The following DCC variants were observed in gnomAD, a reference collection of about 807,000 sequenced individuals.
The protein encoded by DCC is DCC netrin 1 receptor.
A neutral mutation model predicts 172.5 loss-of-function variants in DCC; 58 were observed. The ratio of observed to expected loss-of-function variants is 0.34; its 90% CI spans 0.27 to 0.42. The LOEUF (loss-of-function observed/expected upper bound fraction) is 0.42, where lower values mean the gene tolerates loss of function less well. Among genes scored for constraint, DCC ranks in the 10% least tolerant of loss-of-function variants. DCC has a pLI of 1.00. For missense variants in DCC, 1,740 were observed against 1,791.0 expected (o/e 0.97, Z 0.51); for synonymous variants, 709 against 644.5 (o/e 1.10, Z -1.52).
chr18:52,386,303 A>G (rs983066723), intron 1 of DCC, among the ~76,000 whole-genome samples: 28 of 152,078 alleles, frequency 1.8e-4, no homozygotes, highest in Non-Finnish European at 5.9e-5. Flanking sequence ...GACCTGTATT[A>G]AATTCCAGTT....
intron 7 of DCC, among the ~76,000 whole-genome samples, chr18:53,132,716 C>T (rs2043677147): frequency 6.6e-6 from 1 of 152,064 alleles, no homozygotes; most frequent in African/African-American, 2.4e-5. Context: ...TGTGGAGTAG[C>T]TGTTTATTAG....
chr18:53,083,672 T>G (rs4078162), intron 7 of DCC, among the ~76,000 whole-genome samples: 79,549 of 151,968 alleles, frequency 0.52, 21,413 homozygotes, highest in African/African-American at 0.59. Context: ...ATGGCATACT[T>G]CTCTTTAGAG....
intron 5 of DCC, among the ~76,000 whole-genome samples, chr18:52,950,508 C>G (rs1194236989): frequency 6.6e-6 from 1 of 152,188 alleles, no homozygotes; most frequent in Non-Finnish European, 1.5e-5. Flanking sequence ...TTATATAACT[C>G]ACACCCAAAG....
At chr18:52,706,865 A>G (rs969587089) in intron 1 of DCC, among the ~76,000 whole-genome samples, 9 of 152,180 alleles carry the variant, frequency 5.9e-5, no homozygotes, top group South Asian at 4.1e-4. Flanking sequence ...TCCTGAGCCC[A>G]AGGTGTCTCC....
intron 1 of DCC, among the ~76,000 whole-genome samples, chr18:52,562,248 A>C (rs550288013): frequency 6.6e-6 from 1 of 152,294 alleles, no homozygotes; most frequent in East Asian, 1.9e-4. Context: ...GGAGGGGAAG[A>C]GTTTTGGAAA....
At chr18:52,943,902 A>C (rs541561525) in intron 5 of DCC, among the ~76,000 whole-genome samples, 1 of 152,274 alleles carries the variant, frequency 6.6e-6, no homozygotes, top group South Asian at 2.1e-4. Flanking sequence ...GGTGCCTGCC[A>C]CGACAACCGG....
intron 20 of DCC, among the ~76,000 whole-genome samples, 165 bp from the exon 21 acceptor site, chr18:53,415,959 A>G (rs1379635111): frequency 1.3e-5 from 2 of 152,120 alleles, no homozygotes; most frequent in Non-Finnish European, 2.9e-5. Context: ...CTGAATACTT[A>G]TTTAATAGAA....
At chr18:53,425,964 C>T (rs1175779127) in intron 21 of DCC, among the ~76,000 whole-genome samples, 1 of 151,970 alleles carries the variant, frequency 6.6e-6, no homozygotes, top group Non-Finnish European at 1.5e-5. Flanking sequence ...GATCCCTATC[C>T]TCTATAAAAT....
chr18:53,493,798 C>G (rs2045987017), intron 26 of DCC, among the ~76,000 whole-genome samples: 1 of 151,752 alleles, frequency 6.6e-6, no homozygotes, highest in South Asian at 2.1e-4. Flanking sequence ...TTCTTGTCTT[C>G]TGCTAGCTTT....
intron 7 of DCC, among the ~76,000 whole-genome samples, chr18:53,144,685 A>G (rs575838919): frequency 1.3e-5 from 2 of 152,298 alleles, no homozygotes; most frequent in East Asian, 1.9e-4. Context: ...GCCAATATCT[A>G]TTCACTTCTG....
intron 9 of DCC, among the ~76,000 whole-genome samples, chr18:53,195,061 A>G (rs925220378): frequency 6.6e-6 from 1 of 152,188 alleles, no homozygotes; most frequent in Non-Finnish European, 1.5e-5. Flanking sequence ...TAGCTCTGCG[A>G]TACAGAAATA....
intron 1 of DCC, among the ~76,000 whole-genome samples, chr18:52,563,771 G>A (rs182285114): frequency 6.6e-6 from 1 of 152,250 alleles, no homozygotes; most frequent in Non-Finnish European, 1.5e-5. Context: ...GAACTGCATT[G>A]TATTAGCACT....
chr18:52,665,306 G>A (rs1039446732), intron 1 of DCC, among the ~76,000 whole-genome samples: 4 of 152,156 alleles, frequency 2.6e-5, no homozygotes, highest in African/African-American at 9.7e-5. Context: ...ACACTTCTGG[G>A]TATGACTTGC....
intron 11 of DCC, among the ~76,000 whole-genome samples, chr18:53,208,115 T>C (rs1255015659): frequency 6.6e-6 from 1 of 151,276 alleles, no homozygotes; most frequent in Non-Finnish European, 1.5e-5. Flanking sequence ...GTTTTTTTTT[T>C]TTTTTTTTAA....
At chr18:52,447,557 A>G (rs1295127947) in intron 1 of DCC, among the ~76,000 whole-genome samples, 1 of 152,132 alleles carries the variant, frequency 6.6e-6, no homozygotes, top group Non-Finnish European at 1.5e-5. Flanking sequence ...ACCAGAATGG[A>G]GGTGTGCTAG....
At chr18:52,603,235 G>A (rs148114521) in intron 1 of DCC, among the ~76,000 whole-genome samples, 60 of 152,112 alleles carry the variant, frequency 3.9e-4, no homozygotes, top group African/African-American at 1.3e-3. Flanking sequence ...TGAGGCAACC[G>A]TCTAACTGAA....
chr18:52,648,513 T>G (rs2035062174), intron 1 of DCC, among the ~76,000 whole-genome samples: 1 of 152,220 alleles, frequency 6.6e-6, no homozygotes, highest in South Asian at 2.1e-4. Flanking sequence ...CTGTAGGACT[T>G]CAATGCCAAA....
chr18:52,757,500 C>T (rs12605738), intron 2 of DCC, among the ~76,000 whole-genome samples: 4,441 of 152,158 alleles, frequency 0.029, 157 homozygotes, highest in African/African-American at 0.083. Flanking sequence ...CACACCTACC[C>T]ACCCACACAG....
intron 8 of DCC, among the ~76,000 whole-genome samples, chr18:53,177,624 T>C (rs893721001): frequency 1.2e-4 from 18 of 152,226 alleles, no homozygotes; most frequent in African/African-American, 4.3e-4. Flanking sequence ...AAGGTCATCA[T>C]GCTTCCCTAC....
Sources: allele counts gnomAD v4.1 joint callset (sites outside exome capture counted in the v4.1 genomes callset), GRCh38; gene constraint gnomAD v4.1.1; transcripts MANE v1.5; gene names NCBI Gene and HGNC (gene_info 2026-07-23, HGNC 2026-07-21).